The following CYP4Z1 variants were observed in gnomAD, a reference collection of about 807,000 sequenced individuals.
The protein encoded by CYP4Z1 is cytochrome P450 family 4 subfamily Z member 1.
In CYP4Z1, 41 loss-of-function variants were observed where a neutral mutation model predicts 54.2. That is an observed-to-expected ratio of 0.76 (90% CI 0.59 to 0.98). The LOEUF is 0.98. CYP4Z1 is among the 50% of genes least tolerant of loss of function. CYP4Z1 has a pLI of 0.00. For missense variants in CYP4Z1, 513 were observed against 599.0 expected (o/e 0.86, Z 1.50); for synonymous variants, 163 against 206.2 (o/e 0.79, Z 1.79).
At chr1:47,108,350 A>T (rs1424918816) in intron 9 of CYP4Z1, among the ~76,000 whole-genome samples, 1 of 152,152 alleles carries the variant, frequency 6.6e-6, no homozygotes, top group African/African-American at 2.4e-5. Context: ...ACTGTCACTC[A>T]TCAGTAATTC....
At chr1:47,112,860 G>A (rs576189708) in intron 9 of CYP4Z1, among the ~76,000 whole-genome samples, 61 of 152,198 alleles carry the variant, frequency 4.0e-4, no homozygotes, top group Non-Finnish European at 7.8e-4. Context: ...GGTTTCAGGA[G>A]AAACCCATAT....
chr1:47,109,873 CAAAAAA>C (rs56098025), intron 9 of CYP4Z1, among the ~76,000 whole-genome samples: 1 of 130,280 alleles, frequency 7.7e-6, no homozygotes. Flanking sequence ...TCTACATGGC[CAAAAAA>C]AAAAAAAAAG....
At chr1:47,117,102 C>A (rs1472869661) in intron 11 of CYP4Z1, among the ~76,000 whole-genome samples, 2 of 152,164 alleles carry the variant, frequency 1.3e-5, no homozygotes, top group African/African-American at 4.8e-5. Context: ...CAATGTTGTT[C>A]TAAAGTCCAA....
intron 9 of CYP4Z1, among the ~76,000 whole-genome samples, chr1:47,108,945 A>G (rs1644775162): frequency 6.6e-6 from 1 of 152,068 alleles, no homozygotes; most frequent in Non-Finnish European, 1.5e-5. Context: ...CCTTGCTTCC[A>G]TGGTCTCAGT....
upstream of CYP4Z1, among the ~76,000 whole-genome samples, chr1:47,065,349 A>G (rs1017936402): frequency 2.9e-4 from 44 of 152,076 alleles, no homozygotes; most frequent in Non-Finnish European, 5.6e-4. Context: ...ACCACAATGG[A>G]AAAAAAATTG....
upstream of CYP4Z1, among the ~76,000 whole-genome samples, chr1:47,064,736 A>G (rs1644441027): frequency 6.6e-6 from 1 of 152,200 alleles, no homozygotes; most frequent in African/African-American, 2.4e-5. Flanking sequence ...CAAATGCTCT[A>G]CTTAAAAGAA....
chr1:47,100,160 G>C (rs1270646239), intron 8 of CYP4Z1, among the ~76,000 whole-genome samples: 3 of 152,074 alleles, frequency 2.0e-5, no homozygotes, highest in African/African-American at 7.2e-5. Flanking sequence ...CTTTTGCACA[G>C]GATTCACTCA....
chr1:47,083,713 T>TCTTC (rs1644571519), intron 4 of CYP4Z1, among the ~76,000 whole-genome samples: 2 of 152,182 alleles, frequency 1.3e-5, no homozygotes, highest in Non-Finnish European at 2.9e-5. Context: ...GAGCACACCC[T>TCTTC]GAACTGATGC....
intron 9 of CYP4Z1, among the ~76,000 whole-genome samples, chr1:47,107,466 T>G (rs991961831): frequency 6.6e-6 from 1 of 152,132 alleles, no homozygotes; most frequent in Non-Finnish European, 1.5e-5. Context: ...TTCAGTGTTA[T>G]TTTTCACATG....
chr1:47,101,411 CT>C (rs886896483), intron 8 of CYP4Z1, among the ~76,000 whole-genome samples: 2 of 152,102 alleles, frequency 1.3e-5, no homozygotes, highest in African/African-American at 2.4e-5. Context: ...CTTAGCACTG[CT>C]TTTACTGTAT....
At chr1:47,091,275 C>T (rs1644636585) in intron 6 of CYP4Z1, among the ~76,000 whole-genome samples, 1 of 142,438 alleles carries the variant, frequency 7.0e-6, no homozygotes, top group Non-Finnish European at 1.5e-5. Context: ...ATGTTGATGC[C>T]CTGAGGCTTC....
At chr1:47,110,826 T>C (rs1299486632) in intron 9 of CYP4Z1, among the ~76,000 whole-genome samples, 2 of 151,326 alleles carry the variant, frequency 1.3e-5, no homozygotes, top group Non-Finnish European at 2.9e-5. Flanking sequence ...TTGGGAGAGT[T>C]AAATAACATT....
chr1:47,057,836 T>A, the CYP4Z1 span, among the ~76,000 whole-genome samples: 1 of 152,044 alleles, frequency 6.6e-6, no homozygotes, highest in Admixed American at 6.6e-5. Flanking sequence ...TTTTCTTGAC[T>A]ATGGGTCATT....
the CYP4Z1 span, among the ~76,000 whole-genome samples, chr1:47,062,144 C>T: frequency 2.0e-5 from 3 of 152,142 alleles, no homozygotes; most frequent in Admixed American, 6.5e-5. Flanking sequence ...CCTCTGTCAC[C>T]ACTCCTATTC....
upstream of CYP4Z1, among the ~76,000 whole-genome samples, chr1:47,066,676 A>G (rs1398237487): frequency 1.3e-5 from 2 of 152,190 alleles, no homozygotes; most frequent in East Asian, 3.9e-4. Context: ...ATCAGACAAA[A>G]GGAAGAAATA....
intron 8 of CYP4Z1, among the ~76,000 whole-genome samples, chr1:47,105,381 A>C (rs1217162349): frequency 6.6e-6 from 1 of 152,056 alleles, no homozygotes; most frequent in Non-Finnish European, 1.5e-5. Context: ...CTCTGGAGTA[A>C]TGTCTTCATG....
intron 9 of CYP4Z1, among the ~76,000 whole-genome samples, chr1:47,114,970 C>T (rs1249100344): frequency 4.6e-5 from 7 of 152,140 alleles, no homozygotes; most frequent in Non-Finnish European, 7.3e-5. Flanking sequence ...GATTATAAAT[C>T]GTGCCGCTAT....
At chr1:47,117,220 C>A (rs1202163169) in intron 11 of CYP4Z1, among the ~76,000 whole-genome samples, 2 of 152,110 alleles carry the variant, frequency 1.3e-5, no homozygotes, top group Admixed American at 6.6e-5. Flanking sequence ...ACTGCACAGC[C>A]TCTAAATAAT....
At chr1:47,098,935 T>C (rs1257827171) in intron 7 of CYP4Z1, among the ~76,000 whole-genome samples, 159 bp from the exon 8 acceptor site, 1 of 152,210 alleles carries the variant, frequency 6.6e-6, no homozygotes, top group Admixed American at 6.5e-5. Context: ...TGGTGTTCTG[T>C]TAAGGTTTGA....
Sources: allele counts gnomAD v4.1 joint callset (sites outside exome capture counted in the v4.1 genomes callset), GRCh38; gene constraint gnomAD v4.1.1; transcripts MANE v1.5; gene names NCBI Gene and HGNC (gene_info 2026-07-23, HGNC 2026-07-21).